Variants in PCCA observed in about 807,000 individuals in gnomAD.
The protein encoded by PCCA is propionyl-CoA carboxylase subunit alpha.
PCCA carries 74 observed loss-of-function variants against 101.3 expected under a neutral mutation model. The ratio of observed to expected loss-of-function variants is 0.73; its 90% CI spans 0.61 to 0.89. The LOEUF (loss-of-function observed/expected upper bound fraction) is 0.89, where lower values mean the gene tolerates loss of function less well. Among genes scored for constraint, PCCA ranks in the 40% least tolerant of loss-of-function variants. The pLI, the probability that PCCA is intolerant of heterozygous loss-of-function variation, is 0.00. For missense variants in PCCA, 891 were observed against 907.0 expected, an observed-to-expected ratio of 0.98 and a Z score of 0.23; for synonymous variants, 294 against 313.6, an observed-to-expected ratio of 0.94 and a Z score of 0.66.
intron 20 of PCCA, among the ~76,000 whole-genome samples, chr13:100,444,233 G>A (rs528588664): frequency 1.4e-5 from 2 of 142,940 alleles, no homozygotes; most frequent in South Asian, 4.4e-4. Context: ...ACGGTGTCTC[G>A]CTCTGTCTCC....
chr13:100,154,287 T>C (rs1566592554), intron 4 of PCCA, among the ~76,000 whole-genome samples: 1 of 152,222 alleles, frequency 6.6e-6, no homozygotes, highest in Admixed American at 6.5e-5. Flanking sequence ...TTATGCAAAA[T>C]AAATAGATTT....
At chr13:100,263,285 TAAAA>T (rs1243549198) in intron 10 of PCCA, among the ~76,000 whole-genome samples, 4 of 152,204 alleles carry the variant, frequency 2.6e-5, no homozygotes, top group Admixed American at 2.0e-4. Flanking sequence ...TTTTCTAAAA[TAAAA>T]CGGGGAAGAA....
At chr13:100,523,975 T>C (rs837325) in intron 22 of PCCA, among the ~76,000 whole-genome samples, 88,249 of 152,140 alleles carry the variant, frequency 0.58, 26,535 homozygotes, top group East Asian at 0.85. Flanking sequence ...GCCCTCTCTG[T>C]GCACCCAATT....
intron 18 of PCCA, among the ~76,000 whole-genome samples, chr13:100,345,527 A>T (rs933356022): frequency 1.3e-5 from 2 of 152,222 alleles, no homozygotes; most frequent in Non-Finnish European, 2.9e-5. Context: ...AGTTCATGAG[A>T]TTTAAGGAAA....
Position 100,102,946 on chromosome 13 carries a change from G to A in PCCA, c.169G>A (p.Asp57Asn). The A allele has an allele frequency of 1.9e-6, 3 of 1,595,320 alleles. No homozygotes were observed. Among genetic ancestry groups the A allele is most frequent in the Non-Finnish European group, 2.6e-6 (3 of 1,163,016 alleles). Residue 57 changes from aspartate to asparagine, a missense_variant, in exon 2 of 24, where the codon GAT (aspartate) becomes AAT (asparagine). Coordinates refer to ENST00000376285, the MANE Select transcript of PCCA (RefSeq NM_000282.4). ...CCGTAATCTTGGTTCAGTGGGATAT[G>A]ATCCTAATGAAAAAGTAAGTATTTA... Reference protein sequence around the residue: ...VSRNLGSVGYDPNEKTFDKIL... With the variant: ...VSRNLGSVGYNPNEKTFDKIL...
At chr13:100,520,130 A>G (rs2087121574) in intron 22 of PCCA, among the ~76,000 whole-genome samples, 1 of 152,246 alleles carries the variant, frequency 6.6e-6, no homozygotes, top group African/African-American at 2.4e-5. Flanking sequence ...ACAAACATGC[A>G]GAAAGTTACA....
chr13:100,265,644 G>A (rs74529436), intron 10 of PCCA, among the ~76,000 whole-genome samples: 2,241 of 152,168 alleles, frequency 0.015, 65 homozygotes, highest in African/African-American at 0.051. Context: ...TATTTGGGTC[G>A]TATTGAATCT....
chr13:100,186,433 T>G (rs2057272409), intron 6 of PCCA, among the ~76,000 whole-genome samples: 1 of 152,084 alleles, frequency 6.6e-6, no homozygotes, highest in South Asian at 2.1e-4. Flanking sequence ...ATGGGGAATG[T>G]ATAGTAATAT....
chr13:100,294,219 G>C (rs997506241), intron 12 of PCCA, among the ~76,000 whole-genome samples: 2 of 152,062 alleles, frequency 1.3e-5, no homozygotes, highest in Non-Finnish European at 2.9e-5. Context: ...CAGTCATGCT[G>C]GATTAGGGCC....
intron 18 of PCCA, among the ~76,000 whole-genome samples, chr13:100,344,062 G>A (rs1436485320): frequency 6.6e-6 from 1 of 152,174 alleles, no homozygotes; most frequent in Non-Finnish European, 1.5e-5. Flanking sequence ...GTAACAGAGC[G>A]AGACCCTGTC....
intron 19 of PCCA, among the ~76,000 whole-genome samples, chr13:100,370,074 CTTTTTT>C (rs386380451): frequency 2.7e-5 from 2 of 74,640 alleles, no homozygotes; most frequent in Non-Finnish European, 4.6e-5. Flanking sequence ...GCTGTTACTT[CTTTTTT>C]TTTTTTTTTT....
At chr13:100,278,977 T>G (rs2063872842) in intron 12 of PCCA, among the ~76,000 whole-genome samples, 1 of 152,204 alleles carries the variant, frequency 6.6e-6, no homozygotes. Flanking sequence ...TTGTGAATCA[T>G]TAACTCATAA....
intron 4 of PCCA, among the ~76,000 whole-genome samples, chr13:100,114,134 A>G (rs986854693): frequency 2.0e-5 from 3 of 152,210 alleles, no homozygotes; most frequent in East Asian, 1.9e-4. Flanking sequence ...GAAAGCTTCT[A>G]CACAGCCAAG....
Position 100,156,677 on chromosome 13 carries a change from C to CA in PCCA, c.415-606dup, listed in dbSNP as rs2053924306. ...ATTAGAAGAAAAAAAATTCAGAGCA[C>CA]AAAATAAAAGTAAAACCACACCTCC... is the stretch of plus-strand genomic sequence containing the variant. On this transcript the variant is annotated intron_variant, in intron 5 of 23. Coordinates refer to ENST00000376285, the MANE Select transcript of PCCA (RefSeq NM_000282.4). 3.9e-5 allele frequency among the ~76,000 whole-genome samples: 6 copies of CA among 152,140 alleles called. No homozygotes were observed. In the South Asian group the frequency reaches 1.2e-3, roughly 32 times the overall value.
chr13:100,150,928 C>G, intron 4 of PCCA: 2 of 1,538,914 alleles, frequency 1.3e-6, no homozygotes, highest in Non-Finnish European at 1.8e-6. Flanking sequence ...CGTAACCTTG[C>G]TTGGCCTCGC....
intron 7 of PCCA, among the ~76,000 whole-genome samples, chr13:100,220,352 C>T (rs1281687052): frequency 1.3e-5 from 2 of 151,834 alleles, no homozygotes; most frequent in Non-Finnish European, 2.9e-5. Flanking sequence ...CTCCACCTCC[C>T]GGGTTGAAGC....
chr13:100,306,175 C>T (rs2066432050), intron 14 of PCCA, among the ~76,000 whole-genome samples: 1 of 152,274 alleles, frequency 6.6e-6, no homozygotes, highest in East Asian at 1.9e-4. Context: ...CCTTTTTCTG[C>T]CTTGCTGCAG....
At chr13:100,089,948 T>C (rs973794399) in intron 1 of PCCA, among the ~76,000 whole-genome samples, 5 of 152,142 alleles carry the variant, frequency 3.3e-5, no homozygotes, top group African/African-American at 1.2e-4. Context: ...CTGAGCTCTG[T>C]CTCCAGTCAA....
rs368716661 is a variant in PCCA at position 100,425,608 on chromosome 13, A to T, written c.1747-25A>T. 11 of 1,486,484 alleles carry T rather than the reference A, an allele frequency of 7.4e-6. No individual in the cohort carries two copies. In the African/African-American group the frequency reaches 1.5e-4, roughly 20 times the overall value. 92.1% of individuals were successfully genotyped at this position (1,486,484 alleles called of 1,614,324 possible). On this transcript the variant is annotated intron_variant, in intron 19 of 23. Coordinates refer to ENST00000376285, the MANE Select transcript of PCCA (RefSeq NM_000282.4). ...CAGTTTTCTGTCTTTCTTCATGGTAATGGTCTTATTTGGTGTCACAACAGG... is the reference window on the plus strand; with the variant it reads ...CAGTTTTCTGTCTTTCTTCATGGTATTGGTCTTATTTGGTGTCACAACAGG...
Sources: gnomAD v4.1 joint callset for allele counts (sites outside exome capture counted in the v4.1 genomes callset) on GRCh38, gnomAD v4.1.1 for gene constraint, MANE v1.5 for transcripts, NCBI Gene and HGNC (gene_info 2026-07-23, HGNC 2026-07-21) for gene names.